MACROD2: variants seen among roughly 807,000 people sequenced by gnomAD.
MACROD2 encodes the protein ADP-ribose glycohydrolase MACROD2.
In MACROD2, 36 loss-of-function variants were observed where a neutral mutation model predicts 70.4. The observed-to-expected ratio is 0.51, with a 90% CI of 0.39 to 0.68. MACROD2 has a LOEUF of 0.68. Among genes scored for constraint, MACROD2 ranks in the 30% least tolerant of loss-of-function variants. The pLI, the probability that MACROD2 is intolerant of heterozygous loss-of-function variation, is 0.00. For synonymous variants in MACROD2, 172 were observed against 178.8 expected (o/e 0.96, Z 0.30); for missense variants, 496 against 538.4 (o/e 0.92, Z 0.78).
intron 8 of MACROD2, among the ~76,000 whole-genome samples, chr20:15,808,554 T>G (rs2063790105): frequency 6.6e-6 from 1 of 152,208 alleles, no homozygotes; most frequent in Admixed American, 6.5e-5. Context: ...ACTATTTTAC[T>G]TATAAAAGTA....
intron 3 of MACROD2, among the ~76,000 whole-genome samples, chr20:14,201,643 CA>C (rs2081480497): frequency 6.6e-6 from 1 of 151,888 alleles, no homozygotes; most frequent in East Asian, 1.9e-4. Context: ...AGTTAAAGAC[CA>C]GCCTGGCCAA....
At chr20:14,952,556 C>T (rs2122734956) in intron 5 of MACROD2, among the ~76,000 whole-genome samples, 1 of 152,240 alleles carries the variant, frequency 6.6e-6, no homozygotes, top group South Asian at 2.1e-4. Flanking sequence ...GTACTGCCTT[C>T]CATCAAAAGC....
chr20:14,933,035 TAGAA>T (rs760545581), intron 5 of MACROD2, among the ~76,000 whole-genome samples: 14 of 152,236 alleles, frequency 9.2e-5, no homozygotes, highest in South Asian at 2.1e-4. Flanking sequence ...ATTAACGAAA[TAGAA>T]AGAATAGTCT....
intron 8 of MACROD2, among the ~76,000 whole-genome samples, chr20:15,636,834 G>A (rs922179204): frequency 3.9e-5 from 6 of 152,046 alleles, no homozygotes; most frequent in African/African-American, 1.4e-4. Context: ...GACTCTGGGG[G>A]CCAAGCAGGA....
At chr20:14,709,486 T>G (rs2071311970) in intron 5 of MACROD2, among the ~76,000 whole-genome samples, 1 of 152,152 alleles carries the variant, frequency 6.6e-6, no homozygotes, top group Non-Finnish European at 1.5e-5. Flanking sequence ...CTGTATCCAG[T>G]ATATATCCTG....
intron 2 of MACROD2, among the ~76,000 whole-genome samples, chr20:14,061,530 G>T (rs1028369129): frequency 6.6e-6 from 1 of 152,064 alleles, no homozygotes; most frequent in African/African-American, 2.4e-5. Context: ...GAAGGAAAAG[G>T]TTGCGAGGGT....
At chr20:14,119,212 G>A (rs1374594866) in intron 3 of MACROD2, among the ~76,000 whole-genome samples, 24 of 134,608 alleles carry the variant, frequency 1.8e-4, no homozygotes, top group Non-Finnish European at 3.6e-4. Context: ...TTGTTACCTG[G>A]GCCGGAGTTC....
intron 3 of MACROD2, among the ~76,000 whole-genome samples, chr20:14,285,416 C>T (rs1044296688): frequency 2.6e-5 from 4 of 152,064 alleles, no homozygotes; most frequent in East Asian, 1.9e-4. Context: ...CAAAAAGTTT[C>T]GAATTTTGGA....
chr20:14,246,623 G>A (rs1003883488), intron 3 of MACROD2, among the ~76,000 whole-genome samples: 1 of 152,120 alleles, frequency 6.6e-6, no homozygotes, highest in Non-Finnish European at 1.5e-5. Flanking sequence ...GAGATATTAA[G>A]GATACAAGGG....
At chr20:14,420,958 G>A (rs1418733699) in intron 3 of MACROD2, among the ~76,000 whole-genome samples, 1 of 152,220 alleles carries the variant, frequency 6.6e-6, no homozygotes, top group African/African-American at 2.4e-5. Flanking sequence ...CTCCCAAAGT[G>A]TTGGGATTAC....
chr20:15,981,378 C>A (rs551985355), intron 13 of MACROD2, among the ~76,000 whole-genome samples: 15 of 152,264 alleles, frequency 9.9e-5, no homozygotes, highest in African/African-American at 3.4e-4. Flanking sequence ...TGAGTGAATT[C>A]TTTTCCTGTT....
chr20:14,683,041 G>A lies in MACROD2; in HGVS notation c.302-1802G>A, dbSNP rs560717076. Among the ~76,000 whole-genome samples the A allele has an allele frequency of 2.9e-3, 433 of 151,876 alleles. 3 individuals carry two copies. Among genetic ancestry groups the A allele is most frequent in the African/African-American group, 9.8e-3 (408 of 41,424 alleles). On this transcript the variant is annotated intron_variant, in intron 4 of 17. Coordinates refer to ENST00000684519, the MANE Select transcript of MACROD2 (RefSeq NM_001351661.2). ...ATTACAGGCATGCACCACCACACCC[G>A]GCTAATTTTGTATTTTTAGTAGAGA...
chr20:14,559,719 G>A (rs1361931586), intron 4 of MACROD2, among the ~76,000 whole-genome samples: 1 of 151,274 alleles, frequency 6.6e-6, no homozygotes, highest in Non-Finnish European at 1.5e-5. Context: ...ATCATTTTAG[G>A]GCTGACCTCC....
intron 5 of MACROD2, among the ~76,000 whole-genome samples, chr20:15,186,194 T>A (rs2076533583): frequency 6.6e-6 from 1 of 152,172 alleles, no homozygotes; most frequent in Non-Finnish European, 1.5e-5. Context: ...TGGGGGTATC[T>A]GCTTTGGCTG....
chr20:14,873,540 A>G (rs1174256211), intron 5 of MACROD2, among the ~76,000 whole-genome samples: 1 of 152,138 alleles, frequency 6.6e-6, no homozygotes, highest in Non-Finnish European at 1.5e-5. Flanking sequence ...ATTAATGCAT[A>G]AACATGTAAA....
intron 2 of MACROD2, among the ~76,000 whole-genome samples, chr20:14,056,003 A>T (rs1358283884): frequency 6.6e-6 from 1 of 152,012 alleles, no homozygotes; most frequent in Non-Finnish European, 1.5e-5. Flanking sequence ...ATTTCTGTTG[A>T]TTGATTGATT....
At chr20:15,939,515 C>T (rs962440329) in intron 12 of MACROD2, among the ~76,000 whole-genome samples, 12 of 151,830 alleles carry the variant, frequency 7.9e-5, no homozygotes, top group South Asian at 2.1e-4. Flanking sequence ...AGACCTACTG[C>T]TCAAAAAAAA....
intron 8 of MACROD2, among the ~76,000 whole-genome samples, chr20:15,847,057 T>C (rs2064240950): frequency 6.6e-6 from 1 of 152,010 alleles, no homozygotes; most frequent in Non-Finnish European, 1.5e-5. Context: ...GAAATTAAAT[T>C]ACATAGAAAA....
chr20:15,970,917 A>G (rs1184495676), intron 13 of MACROD2, among the ~76,000 whole-genome samples: 2 of 152,208 alleles, frequency 1.3e-5, no homozygotes, highest in Non-Finnish European at 2.9e-5. Flanking sequence ...AATGCTCCTC[A>G]TGTCCTCCCC....
Sources: gnomAD v4.1 joint callset for allele counts (sites outside exome capture counted in the v4.1 genomes callset) on GRCh38, gnomAD v4.1.1 for gene constraint, MANE v1.5 for transcripts, NCBI Gene and HGNC (gene_info 2026-07-23, HGNC 2026-07-21) for gene names.